Variants in KIF16B observed in about 807,000 individuals in gnomAD.
KIF16B encodes the protein kinesin-like protein KIF16B.
KIF16B carries 98 observed loss-of-function variants against 156.3 expected under a neutral mutation model. The ratio of observed to expected loss-of-function variants is 0.63; its 90% CI spans 0.53 to 0.74. KIF16B has a LOEUF of 0.74. Among genes scored for constraint, KIF16B ranks in the 30% least tolerant of loss-of-function variants. KIF16B has a pLI of 0.00. For synonymous variants in KIF16B, 564 were observed against 583.7 expected (o/e 0.97, Z 0.49); for missense variants, 1,421 against 1,606.5 (o/e 0.88, Z 1.97).
chr20:16,456,152 C>CAATAA (rs1349151116), intron 12 of KIF16B, among the ~76,000 whole-genome samples: 3 of 149,232 alleles, frequency 2.0e-5, no homozygotes, highest in Non-Finnish European at 4.5e-5. Context: ...CAATACAATA[C>CAATAA]AATACAGACA....
intron 1 of KIF16B, among the ~76,000 whole-genome samples, chr20:16,565,655 A>G (rs1486158747): frequency 1.3e-5 from 2 of 152,198 alleles, no homozygotes; most frequent in African/African-American, 4.8e-5. Context: ...CTTCCACCAC[A>G]GCAACTATCA....
chr20:16,317,759 G>A (rs566914207), intron 24 of KIF16B, among the ~76,000 whole-genome samples: 17 of 152,374 alleles, frequency 1.1e-4, no homozygotes, highest in Non-Finnish European at 1.8e-4. Flanking sequence ...GAGAAGAGAT[G>A]ACGGGAGACA....
At chr20:16,496,516 T>C (rs1363745079) in intron 11 of KIF16B, among the ~76,000 whole-genome samples, 7 of 152,334 alleles carry the variant, frequency 4.6e-5, no homozygotes, top group Admixed American at 6.5e-5. Context: ...TCCAAGCAAA[T>C]TGCAAACAAT....
At chr20:16,426,963 C>G (rs2066370483) in intron 15 of KIF16B, 141 bp downstream of exon 15, 1 of 602,412 alleles carries the variant, frequency 1.7e-6, no homozygotes, top group African/African-American at 1.9e-5. Flanking sequence ...AGAAGAGAAA[C>G]AGCCTATTGA....
chr20:16,323,432 G>A (rs2063799572), intron 24 of KIF16B, among the ~76,000 whole-genome samples: 2 of 151,968 alleles, frequency 1.3e-5, no homozygotes, highest in Admixed American at 6.6e-5. Context: ...CATCTGACTA[G>A]ATGGAAGCAT....
chr20:16,430,007 GA>G (rs1246386218), intron 12 of KIF16B, 25 bp from the exon 13 acceptor site: 2 of 1,589,152 alleles, frequency 1.3e-6, no homozygotes, highest in African/African-American at 2.7e-5. Context: ...AAAAGAAAAA[GA>G]AAAGGTTACT....
At chr20:16,367,644 C>A in intron 22 of KIF16B, 1 of 1,612,632 alleles carries the variant, frequency 6.2e-7, no homozygotes, top group African/African-American at 1.3e-5. Flanking sequence ...GAAAGTAAAT[C>A]ATGTCAACCA....
chr20:16,436,795 T>C (rs2066652920), intron 12 of KIF16B, among the ~76,000 whole-genome samples: 2 of 152,270 alleles, frequency 1.3e-5, no homozygotes, highest in East Asian at 3.9e-4. Context: ...CACCAACTGG[T>C]TTTTTAACAT....
intron 23 of KIF16B, among the ~76,000 whole-genome samples, chr20:16,352,488 A>C (rs945433835): frequency 6.6e-6 from 1 of 152,184 alleles, no homozygotes; most frequent in African/African-American, 2.4e-5. Context: ...ATGGCCCAGC[A>C]GGGGTCAGAA....
intron 1 of KIF16B, among the ~76,000 whole-genome samples, chr20:16,559,372 A>G (rs2070973279): frequency 6.6e-6 from 1 of 152,174 alleles, no homozygotes. Context: ...AATGCCGTCT[A>G]CTCTTACCCT....
chr20:16,314,992 T>G (rs369935976), intron 24 of KIF16B, among the ~76,000 whole-genome samples: 66 of 152,296 alleles, frequency 4.3e-4, no homozygotes, highest in East Asian at 2.9e-3. Flanking sequence ...TTGGCAAGCA[T>G]GCTTTCACAG....
At chr20:16,540,791 A>C (rs922689336) in intron 1 of KIF16B, among the ~76,000 whole-genome samples, 1 of 152,168 alleles carries the variant, frequency 6.6e-6, no homozygotes, top group Non-Finnish European at 1.5e-5. Flanking sequence ...CAAATAAAAT[A>C]TAGGAAGCCC....
chr20:16,555,695 C>A (rs1204398964), intron 1 of KIF16B, among the ~76,000 whole-genome samples: 1 of 152,144 alleles, frequency 6.6e-6, no homozygotes, highest in Non-Finnish European at 1.5e-5. Flanking sequence ...TTATTCAGTA[C>A]TGATTAGTGA....
At chr20:16,518,013 G>A (rs1600603472) in intron 3 of KIF16B, among the ~76,000 whole-genome samples, 1 of 152,050 alleles carries the variant, frequency 6.6e-6, no homozygotes, top group Non-Finnish European at 1.5e-5. Context: ...TTACTTCATT[G>A]CCCAGAAAGT....
intron 23 of KIF16B, among the ~76,000 whole-genome samples, chr20:16,350,543 A>C (rs1015337651): frequency 6.6e-6 from 1 of 151,980 alleles, no homozygotes; most frequent in Non-Finnish European, 1.5e-5. Context: ...GCGGGAGGGA[A>C]GGTGGGGAGG....
intron 1 of KIF16B, among the ~76,000 whole-genome samples, chr20:16,536,350 G>A (rs2069961823): frequency 6.6e-6 from 1 of 152,076 alleles, no homozygotes; most frequent in Non-Finnish European, 1.5e-5. Flanking sequence ...GTGTACGGGG[G>A]TGGGGGGAGT....
At chr20:16,420,352 C>A (rs2066195347) in intron 15 of KIF16B, among the ~76,000 whole-genome samples, 1 of 152,058 alleles carries the variant, frequency 6.6e-6, no homozygotes, top group Non-Finnish European at 1.5e-5. Context: ...TTAGATAAAT[C>A]TCCGATTAGT....
intron 19 of KIF16B, among the ~76,000 whole-genome samples, chr20:16,378,524 T>A (rs924624964): frequency 2.0e-5 from 3 of 152,096 alleles, no homozygotes; most frequent in Non-Finnish European, 4.4e-5. Flanking sequence ...ACACGCACAT[T>A]CCATAGGACA....
Position 16,403,770 on chromosome 20 carries a change from T to C in KIF16B, c.1784+1043A>G, listed in dbSNP as rs2065714256. On this transcript the variant is annotated intron_variant, in intron 17 of 25. Coordinates refer to ENST00000354981, the MANE Select transcript of KIF16B (RefSeq NM_024704.5). ...GAAGAAATTCCTTGTAGGTATCTGC[T>C]TTCCACAAACCAGAACACTGGCTTG... is the stretch of plus-strand genomic sequence containing the variant. 5.3e-5 allele frequency among the ~76,000 whole-genome samples: 8 copies of C among 152,336 alleles called. No homozygotes were observed. In the South Asian group the frequency reaches 1.7e-3, roughly 32 times the overall value.
Sources: allele counts gnomAD v4.1 joint callset (sites outside exome capture counted in the v4.1 genomes callset), GRCh38; gene constraint gnomAD v4.1.1; transcripts MANE v1.5; gene names NCBI Gene and HGNC (gene_info 2026-07-23, HGNC 2026-07-21).